Variants in ARHGEF10 observed in about 807,000 individuals in gnomAD.
ARHGEF10 encodes the protein Rho guanine nucleotide exchange factor 10, also known as Rho guanine nucleotide exchange factor (GEF) 10.
In ARHGEF10, 140 loss-of-function variants were observed where a neutral mutation model predicts 147.4. The observed-to-expected ratio is 0.95, with a 90% CI of 0.83 to 1.09. The LOEUF (loss-of-function observed/expected upper bound fraction) is 1.09, where lower values mean the gene tolerates loss of function less well. Among genes scored for constraint, ARHGEF10 ranks in the 50% least tolerant of loss-of-function variants. The probability of loss-of-function intolerance (pLI) is 0.00; values close to 1 mark genes in which losing one functional copy is unlikely to be tolerated. For missense variants in ARHGEF10, 2,222 were observed against 1,752.7 expected (o/e 1.27, Z -4.78); for synonymous variants, 902 against 695.8 (o/e 1.30, Z -4.67).
chr8:1,824,424 G>T (rs895487088), intron 1 of ARHGEF10, among the ~76,000 whole-genome samples: 1 of 152,008 alleles, frequency 6.6e-6, no homozygotes, highest in African/African-American at 2.4e-5. Context: ...CCCGAGGGGC[G>T]AGCTGGCTTC....
chr8:1,928,541 G>A lies in ARHGEF10; in HGVS notation c.2812G>A (p.Val938Ile), dbSNP rs61752020. The A allele has an allele frequency of 9.1e-3, 14,761 of 1,614,186 alleles. 91 individuals carry two copies. The highest frequency in any genetic ancestry group is 0.012 in the Non-Finnish European group (13,599 of 1,180,034). ...VESRILCMLY[V>I]PVEEKRREPG... is the part of the protein sequence containing the mutation. ...ATCTCGCATCCTGTGCATGCTGTAC[G>A]TTCCCGTCGAGGAGAAGCGCAGAGA... Residue 938 changes from valine (V) to isoleucine (I), a missense_variant, in exon 24 of 29, where the codon GTT becomes ATT. By Grantham distance (29) the Val-to-Ile change is conservative (BLOSUM62 3). Transcript: ENST00000349830.
intron 18 of ARHGEF10, among the ~76,000 whole-genome samples, chr8:1,910,178 C>A (rs940994298): frequency 6.6e-6 from 1 of 152,006 alleles, no homozygotes; most frequent in African/African-American, 2.4e-5. Flanking sequence ...TTAAAAAACA[C>A]GATGCATGGG....
At chr8:1,834,081 C>T (rs964440824) in intron 1 of ARHGEF10, among the ~76,000 whole-genome samples, 1 of 152,198 alleles carries the variant, frequency 6.6e-6, no homozygotes, top group Admixed American at 6.5e-5. Flanking sequence ...GCTGTCTGGA[C>T]ACCACCCTCA....
At chr8:1,928,352 A>G (rs1812841797) in intron 23 of ARHGEF10, 75 bp from the exon 24 acceptor site, 2 of 1,379,812 alleles carry the variant, frequency 1.4e-6, no homozygotes, top group African/African-American at 2.8e-5. Flanking sequence ...CGTGGCCTTT[A>G]AGGGTCAGGT....
chr8:1,912,958 C>G (rs965302124), intron 18 of ARHGEF10, among the ~76,000 whole-genome samples: 2 of 152,214 alleles, frequency 1.3e-5, no homozygotes, highest in African/African-American at 4.8e-5. Flanking sequence ...GCCGCTGTTC[C>G]TTCTCACGTT....
chr8:1,855,789 G>A (rs974548070), intron 2 of ARHGEF10, among the ~76,000 whole-genome samples: 2 of 152,074 alleles, frequency 1.3e-5, no homozygotes, highest in Admixed American at 6.5e-5. Flanking sequence ...CTCCCCAAAC[G>A]TGAATTCTGT....
chr8:1,930,325 C>T (rs970723221), intron 25 of ARHGEF10, among the ~76,000 whole-genome samples: 2 of 152,010 alleles, frequency 1.3e-5, no homozygotes, highest in Admixed American at 1.3e-4. Context: ...TCTTGTACCC[C>T]GAGACCATGT....
rs755252861 is a variant in ARHGEF10, at chr8:1,905,683, A to G, written c.1934A>G (p.Asn645Ser). The G allele has an allele frequency of 1.2e-6, 2 of 1,614,040 alleles. No individual in the cohort carries two copies. The highest frequency in any genetic ancestry group is 1.7e-5 in the Admixed American group (1 of 60,002). Reference protein sequence around the residue: ...KTKERRVFMLNDVLMCATVSS... With the variant: ...KTKERRVFMLSDVLMCATVSS... ...AAAGAACGCCGAGTCTTCATGTTAA[A>G]TGATGTGTTAATGTGTGCCACCGTC... Residue 645 changes from asparagine (N) to serine (S), a missense_variant, in exon 17 of 29, where the codon AAT (asparagine) becomes AGT (serine). Coordinates refer to ENST00000349830, the MANE Select transcript of ARHGEF10 (RefSeq NM_014629.4).
chr8:1,846,027 G>A (rs559064686), intron 2 of ARHGEF10, among the ~76,000 whole-genome samples: 3 of 152,378 alleles, frequency 2.0e-5, no homozygotes, highest in Non-Finnish European at 4.4e-5. Flanking sequence ...CTTGGGCCAA[G>A]GCTACTGGAT....
chr8:1,920,791 G>A (rs1442426119), intron 18 of ARHGEF10, among the ~76,000 whole-genome samples: 1 of 146,240 alleles, frequency 6.8e-6, no homozygotes, highest in Non-Finnish European at 1.5e-5. Context: ...GTTTTTTTTT[G>A]TTTGTTTGTT....
rs1477519573 is a variant in ARHGEF10 at position 1,948,713 on chromosome 8, A to G, written c.3397+3058A>G. Among the ~76,000 whole-genome samples, 1 of 152,182 alleles carries G rather than the reference A, an allele frequency of 6.6e-6. No individual in the cohort carries two copies. Among genetic ancestry groups the G allele is most frequent in the African/African-American group, 2.4e-5 (1 of 41,438 alleles). On this transcript the variant is annotated intron_variant, in intron 27 of 28. Transcript: ENST00000349830. This position sits in a 1 kb window ranked among gnomAD's most constrained non-coding sequence, Gnocchi z 4.9. ...GGCCAGAGAGTCCTTTCCTCCAGAG[A>G]GTCCTTTCATCTCATCTCCTCTGTC...
At position 1,888,898 on chromosome 8, in the gene ARHGEF10, T is replaced by G. The variant is rs202043737; in HGVS notation, c.1182+3191T>G. 2.0e-3 allele frequency among the ~76,000 whole-genome samples: 124 copies of G among 62,506 alleles called. 1 individual carries two copies. Among genetic ancestry groups the G allele is most frequent in the Middle Eastern group, 0.015 (1 of 66 alleles). 41.0% of individuals were successfully genotyped at this position (62,506 alleles called of 152,430 possible). On this transcript the variant is annotated intron_variant, in intron 11 of 28. Transcript: ENST00000349830. ...TGAGAGTTATGAGGAGACACTGAGTTGGGTGAGGGTTGTGAGGAGACAGTG... is the reference window on the plus strand; with the variant it reads ...TGAGAGTTATGAGGAGACACTGAGTGGGGTGAGGGTTGTGAGGAGACAGTG...
At chr8:1,850,143 GTGTGGGGCGGCCA>G (rs1563174311) in intron 2 of ARHGEF10, among the ~76,000 whole-genome samples, 1 of 137,772 alleles carries the variant, frequency 7.3e-6, no homozygotes, top group Non-Finnish European at 1.6e-5. Context: ...GCTGAGGAGG[GTGTGGGGCGGCCA>G]CGTGGACACA....
At chr8:1,878,963 A>G (rs1211794332) in intron 8 of ARHGEF10, among the ~76,000 whole-genome samples, 3 of 152,196 alleles carry the variant, frequency 2.0e-5, no homozygotes, top group Non-Finnish European at 4.4e-5. Flanking sequence ...GGGGGTGGGA[A>G]TACTGTGTGG....
intron 1 of ARHGEF10, among the ~76,000 whole-genome samples, chr8:1,831,894 G>T (rs1214278744): frequency 2.6e-5 from 4 of 152,218 alleles, no homozygotes; most frequent in African/African-American, 9.7e-5. Flanking sequence ...GCCCTGGAGG[G>T]TGGCACATGG....
intron 15 of ARHGEF10, 69 bp downstream of exon 15, chr8:1,898,594 T>G: frequency 6.8e-7 from 1 of 1,474,704 alleles, no homozygotes; most frequent in East Asian, 2.3e-5. Context: ...GAAAATGGCG[T>G]CTGTTCCTCC....
chr8:1,868,351 G>A (rs2129091352), intron 6 of ARHGEF10, among the ~76,000 whole-genome samples: 1 of 152,310 alleles, frequency 6.6e-6, no homozygotes, highest in East Asian at 1.9e-4. Context: ...TTTTGATGCA[G>A]TCATATGTCA....
chr8:1,928,904 C>T (rs1023819918), intron 24 of ARHGEF10, among the ~76,000 whole-genome samples: 2 of 152,190 alleles, frequency 1.3e-5, no homozygotes, highest in Non-Finnish European at 2.9e-5. Flanking sequence ...CTGTTTGCCA[C>T]TGAAATGTCT....
intron 8 of ARHGEF10, among the ~76,000 whole-genome samples, chr8:1,879,708 C>G (rs778436440): frequency 7.9e-5 from 12 of 151,960 alleles, no homozygotes; most frequent in Non-Finnish European, 1.5e-4. Flanking sequence ...GCGCACCACC[C>G]TACCTGGCTA....
Sources: allele counts gnomAD v4.1 joint callset (sites outside exome capture counted in the v4.1 genomes callset), GRCh38; gene constraint gnomAD v4.1.1; non-coding constraint Gnocchi (gnomAD v3.1); transcripts MANE v1.5; gene names NCBI Gene and HGNC (gene_info 2026-07-23, HGNC 2026-07-21).